Variants in USP3 observed in about 807,000 individuals in gnomAD.
The protein encoded by USP3 is ubiquitin specific peptidase 3, also known as ubiquitin carboxyl-terminal hydrolase 3.
USP3 carries 20 observed loss-of-function variants against 72.3 expected under a neutral mutation model. The ratio of observed to expected loss-of-function variants is 0.28; its 90% CI spans 0.19 to 0.40. The LOEUF (loss-of-function observed/expected upper bound fraction) is 0.40. Among genes scored for constraint, USP3 ranks in the 10% least tolerant of loss-of-function variants. The pLI, the probability that USP3 is intolerant of heterozygous loss-of-function variation, is 1.00. For missense variants in USP3, 479 were observed against 633.9 expected, an observed-to-expected ratio of 0.76 and a Z score of 2.62; for synonymous variants, 222 against 225.3, an observed-to-expected ratio of 0.99 and a Z score of 0.13.
chr15:63,532,197 T>A lies in USP3; in HGVS notation c.92-450T>A, dbSNP rs140307850. Among the ~76,000 whole-genome samples, 263 of 152,378 alleles carry A rather than the reference T, an allele frequency of 1.7e-3. 2 individuals are homozygous for A. The highest frequency in any genetic ancestry group is 3.4e-3 in the Middle Eastern group (1 of 294). On this transcript the variant is annotated intron_variant, in intron 1 of 14. Transcript: ENST00000380324. ...GGAAAACTAGGCTCAGATTTCCTAA[T>A]TGTAACCTTATGTTGTGCCTCTTAG...
rs1321236933 is a variant in USP3 at position 63,593,118 on chromosome 15, G to T, written c.*2292G>T. 1 of 152,180 alleles carries T rather than the reference G, an allele frequency of 6.6e-6. No individual in the cohort carries two copies. The highest frequency in any genetic ancestry group is 1.5e-5 in the Non-Finnish European group (1 of 68,030). 9.4% of individuals were successfully genotyped at this position (152,180 alleles called of 1,614,324 possible). A position where few individuals can be genotyped will look rare whatever the true frequency, so the allele number is the denominator to read the frequency against. On this transcript the variant is annotated 3_prime_UTR_variant, in exon 15 of 15. Transcript: ENST00000380324. ...CCAAAGAATAAAACTTTGCCATCATGTTTAGGTCTTACAACTTTGAGTCCT... is the reference window on the plus strand; with the variant it reads ...CCAAAGAATAAAACTTTGCCATCATTTTTAGGTCTTACAACTTTGAGTCCT...
chr15:63,576,784 C>G (rs747574285), intron 11 of USP3, among the ~76,000 whole-genome samples: 1 of 152,170 alleles, frequency 6.6e-6, no homozygotes, highest in African/African-American at 2.4e-5. Flanking sequence ...AGCTTATTGT[C>G]GGCTTTAAAA....
intron 7 of USP3, among the ~76,000 whole-genome samples, chr15:63,562,486 G>A (rs1003871492): frequency 6.6e-6 from 1 of 152,230 alleles, no homozygotes; most frequent in Non-Finnish European, 1.5e-5. Context: ...GACACAGGCT[G>A]GAGTCTGGGG....
intron 1 of USP3, among the ~76,000 whole-genome samples, chr15:63,512,442 T>C (rs1248601900): frequency 6.6e-6 from 1 of 151,744 alleles, no homozygotes; most frequent in African/African-American, 2.4e-5. Context: ...CTTTCTTCCT[T>C]CTTTTTCTTT....
At chr15:63,587,118 T>TAAAG (rs1414203527) in intron 11 of USP3, among the ~76,000 whole-genome samples, 2 of 152,116 alleles carry the variant, frequency 1.3e-5, no homozygotes, top group Non-Finnish European at 2.9e-5. Context: ...ATATATTATT[T>TAAAG]AAAGATACAT....
chr15:63,554,770 A>C, intron 4 of USP3, among the ~76,000 whole-genome samples: 1 of 152,218 alleles, frequency 6.6e-6, no homozygotes, highest in African/African-American at 2.4e-5. Context: ...GATAAAGCCA[A>C]TACTGGAAGA....
intron 3 of USP3, among the ~76,000 whole-genome samples, chr15:63,548,284 C>A (rs2066382533): frequency 6.6e-6 from 1 of 151,986 alleles, no homozygotes. Flanking sequence ...CAGGTGCACA[C>A]CATCATGCTT....
At chr15:63,509,800 A>G (rs2065759334) in intron 1 of USP3, among the ~76,000 whole-genome samples, 2 of 152,156 alleles carry the variant, frequency 1.3e-5, no homozygotes, top group African/African-American at 2.4e-5. Context: ...TGTGAAATTT[A>G]GAATGTGCTC....
intron 1 of USP3, among the ~76,000 whole-genome samples, chr15:63,507,214 A>G (rs1290359500): frequency 2.0e-5 from 3 of 152,114 alleles, no homozygotes; most frequent in Non-Finnish European, 4.4e-5. Context: ...CTGTTTTGGC[A>G]CTGGGACAAT....
intron 2 of USP3, among the ~76,000 whole-genome samples, chr15:63,535,886 C>T (rs1051731054): frequency 4.6e-5 from 7 of 152,188 alleles, no homozygotes; most frequent in African/African-American, 1.7e-4. Flanking sequence ...TACCATTTAA[C>T]CAACATTTGT....
intron 2 of USP3, chr15:63,533,716 T>A (rs925863354): frequency 2.3e-6 from 1 of 438,682 alleles, no homozygotes; most frequent in African/African-American, 2.1e-5. Context: ...TGGAATTGAG[T>A]ATTTTTTCCA....
At position 63,575,500 on chromosome 15, in the gene USP3, A is replaced by T. The variant is rs1259805079; in HGVS notation, c.1096+1097A>T. ...ACTGTTGCTCAGGTCGTTTCTAGAA[A>T]TCTGTCAGATGATATGTGGGATGAC... On this transcript the variant is annotated intron_variant, in intron 11 of 14. Coordinates refer to ENST00000380324, the MANE Select transcript of USP3 (RefSeq NM_006537.4). Among the ~76,000 whole-genome samples the T allele has an allele frequency of 7.9e-5, 12 of 152,156 alleles. No individual in the cohort carries two copies. The East Asian group carries it at 2.3e-3, about 29-fold the overall frequency.
chr15:63,545,678 C>T (rs985340000), intron 3 of USP3, among the ~76,000 whole-genome samples: 2 of 151,808 alleles, frequency 1.3e-5, no homozygotes, highest in African/African-American at 2.4e-5. Flanking sequence ...AGAAGTAGAG[C>T]TTATCTTTAG....
chr15:63,529,923 G>C lies in USP3; in HGVS notation c.92-2724G>C. Among the ~76,000 whole-genome samples, 1 of 152,308 alleles carries C rather than the reference G, an allele frequency of 6.6e-6. No individual in the cohort carries two copies. Among genetic ancestry groups the C allele is most frequent in the East Asian group, 1.9e-4 (1 of 5,186 alleles). On this transcript the variant is annotated intron_variant, in intron 1 of 14. Transcript: ENST00000380324. The surrounding 1 kb of genome is among the most constrained non-coding windows in gnomAD (Gnocchi z 4.2). ...AGGCAGGGAGGATTGCTTGAGCTAA[G>C]GGATTCAAGACCAGTCTAGGCAACA...
At chr15:63,512,210 A>G (rs914839228) in intron 1 of USP3, among the ~76,000 whole-genome samples, 3 of 151,860 alleles carry the variant, frequency 2.0e-5, no homozygotes, top group Non-Finnish European at 2.9e-5. Flanking sequence ...TGCTGGGATT[A>G]CATGTGTGAG....
At chr15:63,575,761 T>A (rs1257587857) in intron 11 of USP3, among the ~76,000 whole-genome samples, 1 of 152,190 alleles carries the variant, frequency 6.6e-6, no homozygotes, top group Non-Finnish European at 1.5e-5. Context: ...TATTGTCAAA[T>A]GTCACACATT....
At position 63,584,763 on chromosome 15, in the gene USP3, G is replaced by T. The variant is rs145558045; in HGVS notation, c.1097-3542G>T. On this transcript the variant is annotated intron_variant, in intron 11 of 14. Coordinates refer to ENST00000380324, the MANE Select transcript of USP3 (RefSeq NM_006537.4). ...CCTCAATACACAATTTTTTAATTTT[G>T]ATAAAGTTCAGCTTATCTATTTTTT... Among the ~76,000 whole-genome samples the T allele has an allele frequency of 5.0e-3, 758 of 152,054 alleles. 5 individuals are homozygous for T. The highest frequency in any genetic ancestry group is 0.017 in the African/African-American group (717 of 41,476).
chr15:63,559,833 AT>A (rs753585066), intron 6 of USP3, 23 bp from the exon 7 acceptor site: 57 of 1,582,614 alleles, frequency 3.6e-5, no homozygotes, highest in Non-Finnish European at 4.6e-5. Context: ...TTTTTAAAAT[AT>A]TTTTCCCTTC....
rs114855800 is a variant in USP3, at chr15:63,592,810, C to T, written c.*1984C>T. On this transcript the variant is annotated 3_prime_UTR_variant, in exon 15 of 15. Transcript: ENST00000380324. Reference sequence around the variant, plus strand: ...TAAAAACAGTCTGGTGGCTTTCCCTCAGGTTGGATATCTGAAGTTGTGGGA... The same window carrying T: ...TAAAAACAGTCTGGTGGCTTTCCCTTAGGTTGGATATCTGAAGTTGTGGGA... 622 of 151,702 alleles carry T rather than the reference C, an allele frequency of 4.1e-3. 9 individuals carry two copies. Among genetic ancestry groups the T allele is most frequent in the African/African-American group, 0.014 (596 of 41,310 alleles). The allele number at this position is 151,702 out of a possible 1,614,324, so 9.4% of individuals were successfully genotyped here.
Sources: gnomAD v4.1 joint callset for allele counts (sites outside exome capture counted in the v4.1 genomes callset) on GRCh38, gnomAD v4.1.1 for gene constraint, Gnocchi (gnomAD v3.1) non-coding constraint, MANE v1.5 for transcripts, NCBI Gene and HGNC (gene_info 2026-07-23, HGNC 2026-07-21) for gene names.